NOS1: variants seen among roughly 807,000 people sequenced by gnomAD.
The protein encoded by NOS1 is nitric oxide synthase 1.
NOS1 carries 51 observed loss-of-function variants against 164.5 expected under a neutral mutation model. That is an observed-to-expected ratio of 0.31 (90% CI 0.25 to 0.39). The LOEUF is 0.39. Among genes scored for constraint, NOS1 ranks in the 10% least tolerant of loss-of-function variants. The pLI, the probability that NOS1 is intolerant of heterozygous loss-of-function variation, is 1.00. For synonymous variants in NOS1, 719 were observed against 745.8 expected, an observed-to-expected ratio of 0.96 and a Z score of 0.59; for missense variants, 1,362 against 1,885.6, an observed-to-expected ratio of 0.72 and a Z score of 5.14.
At chr12:117,228,396 T>C (rs1332533945) in intron 22 of NOS1, among the ~76,000 whole-genome samples, 1 of 151,956 alleles carries the variant, frequency 6.6e-6, no homozygotes, top group Non-Finnish European at 1.5e-5. Flanking sequence ...TGGAAGGGAG[T>C]CATGACTCAT....
rs1871822068 is a variant in NOS1 at position 117,260,553 on chromosome 12, G to A, written c.2279C>T (p.Ala760Val). The A allele has an allele frequency of 6.2e-7, 1 of 1,613,990 alleles. No homozygotes were observed. The part of the protein sequence containing the change: ...MGQAMAKRVK[A>V]TILYATETGK... ...TGTCTCTGTGGCATAGAGGATGGTC[G>A]CTTTCACCCTCTTGGCCATAGCCTG... The change falls in exon 14 of 29, where the codon GCG becomes GTG. Residue 760 changes from alanine to valine, a missense_variant. By Grantham distance (64) the Ala-to-Val change is moderately conservative. This residue lies in a region of NOS1 where 737 missense variants were observed against 1,030.3 expected (regional missense o/e 0.72). Transcript: ENST00000317775.
Position 117,327,535 on chromosome 12 carries a change from G to A in NOS1, c.725+2810C>T, listed in dbSNP as rs117290934. 1.8e-3 allele frequency among the ~76,000 whole-genome samples: 274 copies of A among 152,298 alleles called. 6 individuals carry two copies. The East Asian group carries it at 0.044, about 25-fold the overall frequency. ...CTGAGGCCCGGGTTCCAGCCTGGGA[G>A]GCCTCCTGTGCTAGTTGTGGGTAAA... On this transcript the variant is annotated intron_variant, in intron 2 of 28. Coordinates refer to ENST00000317775, the MANE Select transcript of NOS1 (RefSeq NM_000620.5).
rs532611832 is a variant in NOS1, at chr12:117,298,960, T to C, written c.853-8534A>G. On this transcript the variant is annotated intron_variant, in intron 3 of 28. Coordinates refer to ENST00000317775, the MANE Select transcript of NOS1 (RefSeq NM_000620.5). Reference sequence around the variant, plus strand: ...ATCGGCACCAGTGACAGCTCCTCTATTAGAGGCCTGCAGCAACCTGCCCTG... The same window carrying C: ...ATCGGCACCAGTGACAGCTCCTCTACTAGAGGCCTGCAGCAACCTGCCCTG... Among the ~76,000 whole-genome samples, 6 of 152,334 alleles carry C rather than the reference T, an allele frequency of 3.9e-5. 1 individual carries two copies. The South Asian group carries it at 1.2e-3, about 32-fold the overall frequency.
At position 117,234,453 on chromosome 12, in the gene NOS1, A is replaced by C; in HGVS notation, c.3235+112T>G. 9.0e-7 allele frequency: 1 copy of C among 1,108,166 alleles called. No homozygotes were observed. The highest frequency in any genetic ancestry group is 1.6e-5 in the South Asian group (1 of 63,648). 68.6% of individuals were successfully genotyped at this position (1,108,166 alleles called of 1,614,324 possible). The stretch of plus-strand genomic sequence containing the variant: ...TAGTCTCATAGGCTGTTAGCAACAG[A>C]CACCCACTCTCCTGCCTGGACTGGT... On this transcript the variant is annotated intron_variant, in intron 21 of 28. Transcript: ENST00000317775. The surrounding 1 kb of genome is among the most constrained non-coding windows in gnomAD (Gnocchi z 4.3).
At chr12:117,231,622 A>C (rs1310225727) in intron 22 of NOS1, among the ~76,000 whole-genome samples, 1 of 152,196 alleles carries the variant, frequency 6.6e-6, no homozygotes, top group Admixed American at 6.6e-5. Context: ...CTTTAAACCA[A>C]GGCATGGTGA....
At chr12:117,260,681 C>T (rs891548968) in intron 13 of NOS1, 72 bp from the exon 14 acceptor site, 13 of 1,507,840 alleles carry the variant, frequency 8.6e-6, no homozygotes, top group African/African-American at 4.1e-5. Flanking sequence ...TTGGGACTTT[C>T]GTGCAAGAAC....
At chr12:117,358,353 C>T (rs548320155) in intron 1 of NOS1, among the ~76,000 whole-genome samples, 3 of 151,342 alleles carry the variant, frequency 2.0e-5, no homozygotes, top group East Asian at 3.9e-4. Context: ...CTTCTCCGTG[C>T]GGTCCTTCCC....
Position 117,238,433 on chromosome 12 carries a change from C to A in NOS1, c.3042-3675G>T, listed in dbSNP as rs1384160978. ...TGCCTCCTCACCAGGCATCTATAAA[C>A]CCCCCTGCATTTCACCGTGGATCTG... On this transcript the variant is annotated intron_variant, in intron 20 of 28. Coordinates refer to ENST00000317775, the MANE Select transcript of NOS1 (RefSeq NM_000620.5). Among the ~76,000 whole-genome samples, 5 of 151,590 alleles carry A rather than the reference C, an allele frequency of 3.3e-5. No individual in the cohort carries two copies. The South Asian group carries it at 1.0e-3, about 32-fold the overall frequency.
rs760608665 is a variant in NOS1, at chr12:117,272,574, A to G, written c.1665-15T>C. The G allele has an allele frequency of 1.4e-5, 22 of 1,609,144 alleles. No individual in the cohort carries two copies. The highest frequency in any genetic ancestry group is 2.7e-5 in the African/African-American group (2 of 74,804). Reference sequence around the variant, plus strand: ...ACCACTCAAACCTGCAGGGAGCAACAGGGCCCAGCTCACCCGGAGCAGGTG... The same window carrying G: ...ACCACTCAAACCTGCAGGGAGCAACGGGGCCCAGCTCACCCGGAGCAGGTG... On this transcript the variant is annotated splice_polypyrimidine_tract_variant and intron_variant, in intron 9 of 28. Transcript: ENST00000317775. This position sits in a 1 kb window ranked among gnomAD's most constrained non-coding sequence, Gnocchi z 4.3.
intron 20 of NOS1, among the ~76,000 whole-genome samples, chr12:117,237,800 T>C (rs1453331263): frequency 6.6e-6 from 1 of 152,184 alleles, no homozygotes; most frequent in Non-Finnish European, 1.5e-5. Flanking sequence ...GGCACTGTTC[T>C]AGGCACTGGT....
chr12:117,318,849 C>T (rs1213598075), intron 2 of NOS1, among the ~76,000 whole-genome samples: 1 of 152,154 alleles, frequency 6.6e-6, no homozygotes, highest in Non-Finnish European at 1.5e-5. Context: ...AGCAGACACT[C>T]CACTCTCTCT....
chr12:117,322,704 TCTTTC>T (rs1402011240), intron 2 of NOS1, among the ~76,000 whole-genome samples: 8 of 135,380 alleles, frequency 5.9e-5, no homozygotes, highest in East Asian at 4.7e-4. Context: ...CTTCCCTCCT[TCTTTC>T]CTTTCATCTC....
intron 2 of NOS1, among the ~76,000 whole-genome samples, chr12:117,329,276 T>C (rs1023400588): frequency 1.3e-5 from 2 of 152,178 alleles, no homozygotes; most frequent in Admixed American, 6.5e-5. Context: ...AGGTCCTCAA[T>C]GAACATTTGT....
At chr12:117,216,103 C>T (rs934355963) in intron 28 of NOS1, among the ~76,000 whole-genome samples, 49 of 151,558 alleles carry the variant, frequency 3.2e-4, no homozygotes, top group African/African-American at 1.2e-3. Flanking sequence ...GTCTTGAACA[C>T]CTAGGCTCAA....
At chr12:117,347,242 G>A (rs11068453) in intron 1 of NOS1, among the ~76,000 whole-genome samples, 19,705 of 151,136 alleles carry the variant, frequency 0.13, 1,330 homozygotes, top group African/African-American at 0.15. Flanking sequence ...AGCCAAGATC[G>A]CGCCACTGCA....
chr12:117,226,058 C>A (rs898586722), intron 24 of NOS1, among the ~76,000 whole-genome samples: 1 of 152,314 alleles, frequency 6.6e-6, no homozygotes, highest in Middle Eastern at 3.4e-3. Flanking sequence ...GGGCTCAGGA[C>A]TCTATGTTTG....
intron 26 of NOS1, among the ~76,000 whole-genome samples, chr12:117,220,871 A>C (rs997213343): frequency 2.0e-5 from 3 of 152,078 alleles, no homozygotes; most frequent in Non-Finnish European, 4.4e-5. Context: ...GATGTCTTTA[A>C]CTTGTCCAGG....
intron 28 of NOS1, among the ~76,000 whole-genome samples, chr12:117,217,760 C>G (rs1036050604): frequency 1.3e-5 from 2 of 152,002 alleles, no homozygotes; most frequent in African/African-American, 4.8e-5. Flanking sequence ...GGGGGTGCCC[C>G]AAACAGAAGC....
Position 117,289,019 on chromosome 12 carries a change from T to C in NOS1, c.982-800A>G, listed in dbSNP as rs9658336. On this transcript the variant is annotated intron_variant, in intron 4 of 28. Coordinates refer to ENST00000317775, the MANE Select transcript of NOS1 (RefSeq NM_000620.5). The stretch of plus-strand genomic sequence containing the variant: ...AGCCAATCCGTAGACTTTTGAAAAA[T>C]AATACATAGTTTTAATAGTTGTTTT... Among the ~76,000 whole-genome samples the C allele has an allele frequency of 6.6e-3, 1,009 of 152,246 alleles. 74 individuals carry two copies. The East Asian group carries it at 0.17, about 26-fold the overall frequency.
Sources: gnomAD v4.1 joint callset for allele counts (sites outside exome capture counted in the v4.1 genomes callset) on GRCh38, gnomAD v4.1.1 for gene constraint, gnomAD v4.1.1 regional missense constraint, Gnocchi (gnomAD v3.1) non-coding constraint, MANE v1.5 for transcripts, NCBI Gene and HGNC (gene_info 2026-07-23, HGNC 2026-07-21) for gene names.